FBRSL1: variants seen among roughly 807,000 people sequenced by gnomAD.
FBRSL1 encodes fibrosin-1-like protein.
In FBRSL1, 51 loss-of-function variants were observed where a neutral mutation model predicts 89.6. The observed-to-expected ratio is 0.57, with a 90% CI of 0.45 to 0.72. The LOEUF (loss-of-function observed/expected upper bound fraction) is 0.72. Among genes scored for constraint, FBRSL1 ranks in the 30% least tolerant of loss-of-function variants. The pLI, the probability that FBRSL1 is intolerant of heterozygous loss-of-function variation, is 0.00. For missense variants in FBRSL1, 1,618 were observed against 1,451.8 expected (o/e 1.11, Z -1.86); for synonymous variants, 779 against 681.1 (o/e 1.14, Z -2.24).
rs1180593629 is a variant in FBRSL1 at position 132,490,509 on chromosome 12, G to C, written c.-62G>C. 1 of 964,368 alleles carries C rather than the reference G, an allele frequency of 1.0e-6. No individual in the cohort carries two copies. Among genetic ancestry groups the C allele is most frequent in the Admixed American group, 6.4e-5 (1 of 15,692 alleles). The allele number at this position is 964,368 out of a possible 1,614,324, so 59.7% of individuals were successfully genotyped here. ...CGGCGCCGCGTAGCCGAGGGAGCCCGCCTGCTGCGAGCCAGGCGCGGGGCG... is the reference window on the plus strand; with the variant it reads ...CGGCGCCGCGTAGCCGAGGGAGCCCCCCTGCTGCGAGCCAGGCGCGGGGCG... On this transcript the variant is annotated 5_prime_UTR_variant, in exon 1 of 19. Coordinates refer to ENST00000680143, the MANE Select transcript of FBRSL1 (RefSeq NM_001367871.1).
At chr12:132,491,180 C>T (rs1373003861) in intron 1 of FBRSL1, among the ~76,000 whole-genome samples, 1 of 152,232 alleles carries the variant, frequency 6.6e-6, no homozygotes, top group East Asian at 1.9e-4. Flanking sequence ...CTGTGGCCAG[C>T]ATATCGCTCT....
chr12:132,545,769 A>G (rs2037638912), intron 4 of FBRSL1, among the ~76,000 whole-genome samples: 1 of 152,218 alleles, frequency 6.6e-6, no homozygotes, highest in African/African-American at 2.4e-5. Flanking sequence ...TGTGGCCCCA[A>G]GTGTCAGGCT....
At chr12:132,542,718 C>A (rs993796252) in intron 4 of FBRSL1, among the ~76,000 whole-genome samples, 1 of 152,216 alleles carries the variant, frequency 6.6e-6, no homozygotes, top group Non-Finnish European at 1.5e-5. Flanking sequence ...ATCTCCTCCC[C>A]ACCCTGCCTG....
At chr12:132,518,265 T>G (rs1431546068) in intron 2 of FBRSL1, among the ~76,000 whole-genome samples, 1 of 150,526 alleles carries the variant, frequency 6.6e-6, no homozygotes, top group Non-Finnish European at 1.5e-5. Flanking sequence ...TGTCCATCCA[T>G]CCACCCATGC....
At chr12:132,571,439 CGCACCAACACACACACCA>C in intron 9 of FBRSL1, 4 of 1,550,788 alleles carry the variant, frequency 2.6e-6, no homozygotes, top group Non-Finnish European at 3.5e-6. Flanking sequence ...CACCAGCACA[CGCACCAACACACACACCA>C]GCACCAACAC....
chr12:132,502,792 C>A (rs1271890730), intron 1 of FBRSL1, among the ~76,000 whole-genome samples: 2 of 63,584 alleles, frequency 3.1e-5, no homozygotes, highest in Non-Finnish European at 7.1e-5. Flanking sequence ...CCTGCCCTCT[C>A]CTGTCCCCGC....
chr12:132,505,404 G>A (rs1264454171), intron 1 of FBRSL1, among the ~76,000 whole-genome samples: 2 of 152,158 alleles, frequency 1.3e-5, no homozygotes, highest in African/African-American at 4.8e-5. Context: ...GCTGCCCAGG[G>A]CACGCACTGT....
At chr12:132,566,689 C>T (rs548699506) in intron 5 of FBRSL1, among the ~76,000 whole-genome samples, 1 of 152,264 alleles carries the variant, frequency 6.6e-6, no homozygotes, top group Non-Finnish European at 1.5e-5. Flanking sequence ...CTCAGCAACA[C>T]TGGGCACCAG....
At chr12:132,548,432 AC>A (rs1250343456) in intron 5 of FBRSL1, among the ~76,000 whole-genome samples, 2 of 152,098 alleles carry the variant, frequency 1.3e-5, no homozygotes, top group Non-Finnish European at 2.9e-5. Context: ...CCCAGCCCCC[AC>A]CCTAAACCCG....
Position 132,511,360 on chromosome 12 carries a change from C to G in FBRSL1, c.489+3010C>G, listed in dbSNP as rs187851092. ...CTGTTGACCTACATGTGGTCGGGCA[C>G]ACCTCACACTACAAGGCTACCCCTG... On this transcript the variant is annotated intron_variant, in intron 2 of 18. Transcript: ENST00000680143. The G allele has an allele frequency of 3.1e-4, 301 of 985,698 alleles. 2 individuals carry two copies. In the Admixed American group the frequency reaches 5.8e-3, roughly 19 times the overall value. 61.1% of individuals were successfully genotyped at this position (985,698 alleles called of 1,614,324 possible).
chr12:132,538,620 AC>A (rs1244350257), intron 4 of FBRSL1, among the ~76,000 whole-genome samples: 2 of 152,164 alleles, frequency 1.3e-5, no homozygotes, highest in Non-Finnish European at 2.9e-5. Flanking sequence ...GGGCCTTGGC[AC>A]TGTGGGGAGG....
At chr12:132,579,422 A>C (rs1301621325) in intron 15 of FBRSL1, among the ~76,000 whole-genome samples, 1 of 152,228 alleles carries the variant, frequency 6.6e-6, no homozygotes, top group Non-Finnish European at 1.5e-5. Context: ...TATGATTGGA[A>C]TTTGTAAGTT....
chr12:132,522,468 G>T (rs2035444553), intron 2 of FBRSL1, among the ~76,000 whole-genome samples: 1 of 152,220 alleles, frequency 6.6e-6, no homozygotes, highest in African/African-American at 2.4e-5. Context: ...CAGTGCTCCT[G>T]GTCCCACCAG....
intron 15 of FBRSL1, among the ~76,000 whole-genome samples, chr12:132,578,343 T>TCTCACACACACACACACACACA (rs147345475): frequency 5.5e-4 from 78 of 141,100 alleles, no homozygotes; most frequent in South Asian, 9.6e-4. Context: ...AGACCCTGTC[T>TCTCACACACACACACACACACA]CACACACACA....
intron 5 of FBRSL1, chr12:132,552,641 CGGCTGGACA>C (rs1259071322): frequency 1.3e-5 from 2 of 159,242 alleles, no homozygotes; most frequent in Non-Finnish European, 2.7e-5. Context: ...GACGGATGGA[CGGCTGGACA>C]GGCTGGAGGC....
At chr12:132,542,774 G>A (rs1394548134) in intron 4 of FBRSL1, among the ~76,000 whole-genome samples, 2 of 152,268 alleles carry the variant, frequency 1.3e-5, no homozygotes, top group South Asian at 2.1e-4. Flanking sequence ...CAACCTCAGC[G>A]CAGGGTCCCT....
chr12:132,582,679 G>A (rs530948665), intron 18 of FBRSL1, among the ~76,000 whole-genome samples: 2 of 152,234 alleles, frequency 1.3e-5, no homozygotes, highest in Non-Finnish European at 2.9e-5. Context: ...GAGTTCGGGG[G>A]TGCGGCTGCC....
At chr12:132,494,618 C>T (rs1050075109) in intron 1 of FBRSL1, among the ~76,000 whole-genome samples, 8 of 152,262 alleles carry the variant, frequency 5.3e-5, no homozygotes, top group African/African-American at 1.9e-4. Flanking sequence ...CAGGCGGACA[C>T]CACCATTCTG....
At chr12:132,502,093 C>T (rs985240978) in intron 1 of FBRSL1, among the ~76,000 whole-genome samples, 5 of 152,206 alleles carry the variant, frequency 3.3e-5, no homozygotes, top group Non-Finnish European at 5.9e-5. Flanking sequence ...CTGAGTGATG[C>T]GTCCCACTCA....
Sources: allele counts gnomAD v4.1 joint callset (sites outside exome capture counted in the v4.1 genomes callset), GRCh38; gene constraint gnomAD v4.1.1; transcripts MANE v1.5; gene names NCBI Gene and HGNC (gene_info 2026-07-23, HGNC 2026-07-21).